NUAK2: variants seen among roughly 807,000 people sequenced by gnomAD.
The protein encoded by NUAK2 is NUAK family kinase 2.
Under a neutral mutation model 29.8 loss-of-function variants are expected in NUAK2, and 20 were observed. The observed-to-expected ratio is 0.67, with a 90% CI of 0.47 to 0.98. The LOEUF (loss-of-function observed/expected upper bound fraction) is 0.98, where lower values mean the gene tolerates loss of function less well. NUAK2 is among the 50% of genes least tolerant of loss of function. NUAK2 has a pLI of 0.00. For missense variants in NUAK2, 719 were observed against 834.5 expected (o/e 0.86, Z 1.71); for synonymous variants, 331 against 342.6 (o/e 0.97, Z 0.37).
intron 1 of NUAK2, among the ~76,000 whole-genome samples, chr1:205,315,925 A>C (rs1364769162): frequency 6.6e-6 from 1 of 152,192 alleles, no homozygotes. Flanking sequence ...GAAGAGGGTA[A>C]CAATTGCTGA....
intron 4 of NUAK2, among the ~76,000 whole-genome samples, chr1:205,306,864 A>G (rs1288668588): frequency 6.6e-6 from 1 of 152,220 alleles, no homozygotes; most frequent in African/African-American, 2.4e-5. Context: ...CATGGCCCTC[A>G]GGAACAAGCA....
rs1199685167 is a variant in NUAK2 at position 205,304,585 on chromosome 1, C to T, written c.824-72G>A. The T allele has an allele frequency of 7.8e-7, 1 of 1,279,620 alleles. No homozygotes were observed. The highest frequency in any genetic ancestry group is 1.5e-5 in the African/African-American group (1 of 66,420). The allele number at this position is 1,279,620 out of a possible 1,614,324, so 79.3% of individuals were successfully genotyped here. ...GGCACTCCCTGTCCCCTGTCCCCAG[C>T]TCATCCCCTTTTGAGCTATGACACT... On this transcript the variant is annotated intron_variant, in intron 6 of 6. Transcript: ENST00000367157. The surrounding 1 kb of genome is among the most constrained non-coding windows in gnomAD (Gnocchi z 6.5).
chr1:205,309,343 T>C (rs1574892216), intron 2 of NUAK2, among the ~76,000 whole-genome samples: 1 of 152,314 alleles, frequency 6.6e-6, no homozygotes, highest in East Asian at 1.9e-4. Flanking sequence ...TCTTTATTTA[T>C]TGAGACAGAG....
At position 205,303,411 on chromosome 1, in the gene NUAK2, T is replaced by C. The variant is rs529806068; in HGVS notation, c.*39A>G. 1 of 1,497,184 alleles carries C rather than the reference T, an allele frequency of 6.7e-7. No homozygotes were observed. The allele number at this position is 1,497,184 out of a possible 1,614,324, so 92.7% of individuals were successfully genotyped here. On this transcript the variant is annotated 3_prime_UTR_variant, in exon 7 of 7. Transcript: ENST00000367157. Reference sequence around the variant, plus strand: ...TCCCCTCGGGGTGCAACCAGCTGCATCTGAGAGCCTGACCGGGCTGGGGCA... The same window carrying C: ...TCCCCTCGGGGTGCAACCAGCTGCACCTGAGAGCCTGACCGGGCTGGGGCA...
chr1:205,306,412 T>C (rs1438770912), intron 4 of NUAK2, 105 bp from the exon 5 acceptor site: 3 of 1,446,756 alleles, frequency 2.1e-6, no homozygotes, highest in Admixed American at 2.3e-5. Context: ...CAAGCTCCAA[T>C]AGAAGGAAAG....
intron 2 of NUAK2, among the ~76,000 whole-genome samples, chr1:205,309,229 G>A (rs991043041): frequency 1.3e-5 from 2 of 152,118 alleles, no homozygotes; most frequent in African/African-American, 4.8e-5. Context: ...ACAGGGCTGG[G>A]GTGAGAAATA....
At chr1:205,306,531 CG>C (rs1662183698) in intron 4 of NUAK2, among the ~76,000 whole-genome samples, 1 of 152,080 alleles carries the variant, frequency 6.6e-6, no homozygotes, top group Non-Finnish European at 1.5e-5. Flanking sequence ...CAGAGCTTTG[CG>C]GGGGCTCCAG....
rs765085340 is a variant in NUAK2 at position 205,321,527 on chromosome 1, T to C, written c.102A>G (p.Leu34=). Reference sequence around the variant, plus strand: ...GCCGCTTCACCGCCTGCTTCTTCATTAGGGGCTTGGGCGACTTGATCAGCC... The same window carrying C: ...GCCGCTTCACCGCCTGCTTCTTCATCAGGGGCTTGGGCGACTTGATCAGCC... ...AEGLIKSPKP[L]MKKQAVKRHH... The change falls in exon 1 of 7, where the codon CTA becomes CTG. Residue 34 remains leucine, a synonymous_variant. Coordinates refer to ENST00000367157, the MANE Select transcript of NUAK2 (RefSeq NM_030952.3). 1.9e-5 allele frequency: 30 copies of C among 1,613,822 alleles called. No homozygotes were observed. In the East Asian group the frequency reaches 6.5e-4, roughly 35 times the overall value.
intron 1 of NUAK2, among the ~76,000 whole-genome samples, chr1:205,314,454 C>T (rs1662299114): frequency 6.6e-6 from 1 of 152,224 alleles, no homozygotes; most frequent in African/African-American, 2.4e-5. Flanking sequence ...AAATAAAAAC[C>T]TGGGCTTGGA....
chr1:205,317,529 G>T (rs980844541), intron 1 of NUAK2, among the ~76,000 whole-genome samples: 1 of 152,216 alleles, frequency 6.6e-6, no homozygotes, highest in Non-Finnish European at 1.5e-5. Context: ...CAGGGATCAG[G>T]AATGGGCTCC....
At chr1:205,312,699 G>A (rs573382712) in intron 1 of NUAK2, among the ~76,000 whole-genome samples, 48 of 152,256 alleles carry the variant, frequency 3.2e-4, no homozygotes, top group African/African-American at 1.1e-3. Flanking sequence ...CTATAGGCGC[G>A]TGCTGAGGTG....
intron 1 of NUAK2, among the ~76,000 whole-genome samples, chr1:205,319,105 G>T (rs980126715): frequency 2.0e-5 from 3 of 152,040 alleles, no homozygotes; most frequent in African/African-American, 7.3e-5. Flanking sequence ...AAGAGGCAGG[G>T]GTGGGGTGGG....
At chr1:205,311,885 C>T in intron 1 of NUAK2, 60 bp from the exon 2 acceptor site, 2 of 1,605,540 alleles carry the variant, frequency 1.2e-6, no homozygotes, top group Non-Finnish European at 1.7e-6. Flanking sequence ...TCTGGGGGCC[C>T]TGGTCCTGGT....
At chr1:205,313,737 G>A (rs2102256421) in intron 1 of NUAK2, among the ~76,000 whole-genome samples, 1 of 151,948 alleles carries the variant, frequency 6.6e-6, no homozygotes, top group Non-Finnish European at 1.5e-5. Context: ...CTGAGTCTAT[G>A]AAATTAGCCG....
At position 205,321,525 on chromosome 1, in the gene NUAK2, A is replaced by T; in HGVS notation, c.104T>A (p.Met35Lys). 1.2e-6 allele frequency: 2 copies of T among 1,613,806 alleles called. No homozygotes were observed. The highest frequency in any genetic ancestry group is 1.7e-6 in the Non-Finnish European group (2 of 1,179,864). Reference protein sequence around the residue: ...EGLIKSPKPLMKKQAVKRHHH... With the variant: ...EGLIKSPKPLKKKQAVKRHHH... ...GTGCCGCTTCACCGCCTGCTTCTTC[A>T]TTAGGGGCTTGGGCGACTTGATCAG... Residue 35 changes from methionine to lysine, a missense_variant, in exon 1 of 7, where the codon ATG (methionine) becomes AAG (lysine). This residue lies in a region of NUAK2 where 283 missense variants were observed against 345.6 expected (regional missense o/e 0.82). Coordinates refer to ENST00000367157, the MANE Select transcript of NUAK2 (RefSeq NM_030952.3).
rs114844800 is a variant in NUAK2, at chr1:205,303,975, C to T, written c.1362G>A (p.Gln454=). 3.8e-5 allele frequency: 61 copies of T among 1,613,946 alleles called. No homozygotes were observed. The East Asian group carries it at 1.3e-3, about 35-fold the overall frequency. Residue 454 remains glutamine (Q), a synonymous_variant, in exon 7 of 7, where the codon CAG becomes CAA. Transcript: ENST00000367157. ...GAGAGGAGTAGTAGCCAGACTCGCG[C>T]TGTCGGGGCTTCTTGAGAATGCCCT... ...PKKGILKKPR[Q]RESGYYSSPE... is the part of the protein sequence containing the mutation.
intron 4 of NUAK2, among the ~76,000 whole-genome samples, chr1:205,307,393 C>T (rs1463805192): frequency 6.6e-6 from 1 of 152,168 alleles, no homozygotes; most frequent in Non-Finnish European, 1.5e-5. Context: ...TTCTGCTCAG[C>T]ATCAAAGAAA....
rs763336598 is a variant in NUAK2, at chr1:205,306,213, T to C, written c.665A>G (p.Asn222Ser). The C allele has an allele frequency of 2.5e-6, 4 of 1,613,616 alleles. No individual in the cohort carries two copies. Among genetic ancestry groups the C allele is most frequent in the Middle Eastern group, 1.7e-4 (1 of 6,058 alleles). The change falls in exon 5 of 7, where the codon AAT becomes AGT. Residue 222 changes from asparagine (N) to serine (S), a missense_variant. Asn to Ser is a conservative substitution (Grantham distance 46, BLOSUM62 1). This residue lies in a region of NUAK2 where 283 missense variants were observed against 345.6 expected (regional missense o/e 0.82). Coordinates refer to ENST00000367157, the MANE Select transcript of NUAK2 (RefSeq NM_030952.3). The stretch of plus-strand genomic sequence containing the variant: ...CTCTGGGCCTGTGTAGGGCTTCCCA[T>C]TGACAATCTCTGGCGAGGCATAGAG... Reference protein sequence around the residue: ...SPLYASPEIVNGKPYTGPEVD... With the variant: ...SPLYASPEIVSGKPYTGPEVD...
At position 205,303,720 on chromosome 1, in the gene NUAK2, G is replaced by T. The variant is rs530645629; in HGVS notation, c.1617C>A (p.Pro539=). The change falls in exon 7 of 7, where the codon CCC becomes CCA. Residue 539 remains proline (P), a synonymous_variant. Coordinates refer to ENST00000367157, the MANE Select transcript of NUAK2 (RefSeq NM_030952.3). ...PPRPLARASR[P]SGAVSEDSIL... ...TGCTGTCCTCGCTCACAGCCCCTGAGGGTCGGCTGGCCCGGGCCAGGGGGC... is the reference window on the plus strand; with the variant it reads ...TGCTGTCCTCGCTCACAGCCCCTGATGGTCGGCTGGCCCGGGCCAGGGGGC... 104 of 1,539,124 alleles carry T rather than the reference G, an allele frequency of 6.8e-5. 1 individual carries two copies. In the South Asian group the frequency reaches 1.3e-3, roughly 19 times the overall value.
Sources: allele counts gnomAD v4.1 joint callset (sites outside exome capture counted in the v4.1 genomes callset), GRCh38; gene constraint gnomAD v4.1.1; regional missense constraint gnomAD v4.1.1; non-coding constraint Gnocchi (gnomAD v3.1); transcripts MANE v1.5; gene names NCBI Gene and HGNC (gene_info 2026-07-23, HGNC 2026-07-21).